CDC42EP4: variants seen among roughly 807,000 people sequenced by gnomAD.
CDC42EP4 encodes CDC42 effector protein (Rho GTPase binding) 4.
In CDC42EP4, 6 loss-of-function variants were observed where a neutral mutation model predicts 5.6. The observed-to-expected ratio is 1.07, with a 90% CI of 0.59 to 2.12. CDC42EP4 has a LOEUF of 2.12. CDC42EP4 is among the 30% of genes most tolerant of loss of function. The pLI is 0.00. For synonymous variants in CDC42EP4, 230 were observed against 224.2 expected (o/e 1.03, Z -0.23); for missense variants, 490 against 508.6 (o/e 0.96, Z 0.35).
At chr17:73,295,619 T>G (rs1455141894) in intron 1 of CDC42EP4, among the ~76,000 whole-genome samples, 1 of 152,068 alleles carries the variant, frequency 6.6e-6, no homozygotes, top group African/African-American at 2.4e-5. Flanking sequence ...AATGATGGTT[T>G]TGGCCAGGTG....
At chr17:73,297,285 A>C (rs1599435876) in intron 1 of CDC42EP4, among the ~76,000 whole-genome samples, 1 of 114,030 alleles carries the variant, frequency 8.8e-6, no homozygotes, top group Non-Finnish European at 1.8e-5. Context: ...CAAGAGCAAG[A>C]CTTCGTCTCC....
At chr17:73,294,958 G>A (rs2062177444) in intron 1 of CDC42EP4, among the ~76,000 whole-genome samples, 1 of 151,626 alleles carries the variant, frequency 6.6e-6, no homozygotes, top group Non-Finnish European at 1.5e-5. Context: ...ACAGGCACCT[G>A]CTACCACACC....
At chr17:73,306,925 C>T (rs1472084119) in intron 1 of CDC42EP4, 1 of 152,204 alleles carries the variant, frequency 6.6e-6, no homozygotes, top group Non-Finnish European at 1.5e-5. Flanking sequence ...AAAGAAGAAC[C>T]CAGAGTCTCA....
At position 73,285,048 on chromosome 17, in the gene CDC42EP4, T is replaced by G. The variant is rs909236400; in HGVS notation, c.*382A>C. ...AGCCGAGAGTCCTTAGCCCTGGAGC[T>G]GAGGCTGCCTCTGGGCTGACCCGCT... On this transcript the variant is annotated 3_prime_UTR_variant, in exon 2 of 2. Coordinates refer to ENST00000335793, the MANE Select transcript of CDC42EP4 (RefSeq NM_012121.5). This position sits in a 1 kb window ranked among gnomAD's most constrained non-coding sequence, Gnocchi z 6.8. The G allele has an allele frequency of 1.2e-5, 2 of 161,798 alleles. No homozygotes were observed. The highest frequency in any genetic ancestry group is 4.8e-5 in the African/African-American group (2 of 41,834). The allele number at this position is 161,798 out of a possible 1,614,324, so 10.0% of individuals were successfully genotyped here.
rs1229994715 is a variant in CDC42EP4, at chr17:73,286,338, T to C, written c.163A>G (p.Ser55Gly). The change falls in exon 2 of 2, where the codon AGC becomes GGC. Residue 55 changes from serine (S) to glycine (G), a missense_variant. Coordinates refer to ENST00000335793, the MANE Select transcript of CDC42EP4 (RefSeq NM_012121.5). The surrounding 1 kb of genome is among the most constrained non-coding windows in gnomAD (Gnocchi z 7.7). ...DAFGDTSFLNSKAGEPDGESL... is the reference protein window; with the variant it reads ...DAFGDTSFLNGKAGEPDGESL... ...TCGCCGTCGGGCTCGCCAGCCTTGCTATTGAGGAAGGAGGTGTCCCCAAAG... is the reference window on the plus strand; with the variant it reads ...TCGCCGTCGGGCTCGCCAGCCTTGCCATTGAGGAAGGAGGTGTCCCCAAAG... 1 of 1,614,174 alleles carries C rather than the reference T, an allele frequency of 6.2e-7. No homozygotes were observed. Among genetic ancestry groups the C allele is most frequent in the South Asian group, 1.1e-5 (1 of 91,090 alleles).
In CDC42EP4 at chr17:73,285,227, C is replaced by T. The variant is rs1438097997; in HGVS notation, c.*203G>A. The T allele has an allele frequency of 4.4e-6, 2 of 457,744 alleles. No individual in the cohort carries two copies. The highest frequency in any genetic ancestry group is 7.7e-6 in the Non-Finnish European group (2 of 258,214). The allele number at this position is 457,744 out of a possible 1,614,324, so 28.4% of individuals were successfully genotyped here. A position where few individuals can be genotyped will look rare whatever the true frequency, so the allele number is the denominator to read the frequency against. ...GTGCAGGGAGCATGATGAAGTCAGGCAGCCAGTCGGCACCCATGCCAGCCC... is the reference window on the plus strand; with the variant it reads ...GTGCAGGGAGCATGATGAAGTCAGGTAGCCAGTCGGCACCCATGCCAGCCC... On this transcript the variant is annotated 3_prime_UTR_variant, in exon 2 of 2. Coordinates refer to ENST00000335793, the MANE Select transcript of CDC42EP4 (RefSeq NM_012121.5). The surrounding 1 kb of genome is among the most constrained non-coding windows in gnomAD (Gnocchi z 6.8).
chr17:73,301,691 C>T lies in CDC42EP4; in HGVS notation c.-113+10202G>A, dbSNP rs566290809. 4.9e-4 allele frequency among the ~76,000 whole-genome samples: 74 copies of T among 151,264 alleles called. 1 individual carries two copies. The highest frequency in any genetic ancestry group is 1.7e-3 in the African/African-American group (68 of 41,184). ...CCTCCCAAGTGGCAGGGGCTACAGGCACACGCCACCATGCCCAGCTTTTTT... is the reference window on the plus strand; with the variant it reads ...CCTCCCAAGTGGCAGGGGCTACAGGTACACGCCACCATGCCCAGCTTTTTT... On this transcript the variant is annotated intron_variant, in intron 1 of 1. Transcript: ENST00000335793.
chr17:73,285,303 G>T lies in CDC42EP4; in HGVS notation c.*127C>A. ...CCAGGCCAGTGTCCCTCATCTACAA[G>T]GTCCAGGGTCCATGGTCTGAATCAA... On this transcript the variant is annotated 3_prime_UTR_variant, in exon 2 of 2. Coordinates refer to ENST00000335793, the MANE Select transcript of CDC42EP4 (RefSeq NM_012121.5). The surrounding 1 kb of genome is among the most constrained non-coding windows in gnomAD (Gnocchi z 6.8). 2 of 727,610 alleles carry T rather than the reference G, an allele frequency of 2.7e-6. No homozygotes were observed. The highest frequency in any genetic ancestry group is 4.4e-6 in the Non-Finnish European group (2 of 449,716). The allele number at this position is 727,610 out of a possible 1,614,324, so 45.1% of individuals were successfully genotyped here.
intron 1 of CDC42EP4, among the ~76,000 whole-genome samples, chr17:73,301,553 C>G (rs2062219285): frequency 6.6e-6 from 1 of 152,160 alleles, no homozygotes; most frequent in South Asian, 2.1e-4. Context: ...ATAACCTTAA[C>G]TATTTCCAGA....
At chr17:73,299,388 C>CACGT (rs5821957) in intron 1 of CDC42EP4, among the ~76,000 whole-genome samples, 1 of 148,376 alleles carries the variant, frequency 6.7e-6, no homozygotes, top group African/African-American at 2.5e-5. Context: ...CGAGATCATG[C>CACGT]CACTGCACTC....
In CDC42EP4 at chr17:73,285,461, T is replaced by C; in HGVS notation, c.1040A>G (p.Asp347Gly). ...ACGGATTTCATCCTCCTCCTCCTCA[T>C]CCATGAAGGAGAACTCCTTGTCTGG... ...RQPDKEFSFM[D>G]EEEEDEIRV The change falls in exon 2 of 2, where the codon GAT becomes GGT. Residue 347 changes from aspartate (D) to glycine (G), a missense_variant. Transcript: ENST00000335793. The surrounding 1 kb of genome is among the most constrained non-coding windows in gnomAD (Gnocchi z 6.8). 4 of 1,570,886 alleles carry C rather than the reference T, an allele frequency of 2.5e-6. No individual in the cohort carries two copies. The highest frequency in any genetic ancestry group is 1.1e-5 in the South Asian group (1 of 87,228).
intron 1 of CDC42EP4, among the ~76,000 whole-genome samples, chr17:73,310,702 GGGAACCT>G: frequency 6.6e-6 from 1 of 151,618 alleles, no homozygotes; most frequent in Non-Finnish European, 1.5e-5. Flanking sequence ...GGAAAACACA[GGGAACCT>G]GGTTTGAGTT....
Position 73,285,944 on chromosome 17 carries a change from T to TC in CDC42EP4, c.556dup (p.Asp186GlyfsTer35). On this transcript the variant is annotated frameshift_variant, in exon 2 of 2. Coordinates refer to ENST00000335793, the MANE Select transcript of CDC42EP4 (RefSeq NM_012121.5). LOFTEE classifies it low-confidence loss of function (END_TRUNC). This position sits in a 1 kb window ranked among gnomAD's most constrained non-coding sequence, Gnocchi z 6.8. ...GGGCACGACAGGCAGATCTGTCAGA[T>TC]CCCCAAAGGCCTGCTCATCGAGGAG... 6.2e-7 allele frequency: 1 copy of TC among 1,613,792 alleles called. No homozygotes were observed. The highest frequency in any genetic ancestry group is 8.5e-7 in the Non-Finnish European group (1 of 1,180,004).
chr17:73,304,359 G>A (rs901130589), intron 1 of CDC42EP4, among the ~76,000 whole-genome samples: 2 of 149,126 alleles, frequency 1.3e-5, no homozygotes, highest in African/African-American at 2.5e-5. Flanking sequence ...AAAGCTCACC[G>A]TAACCTCAAA....
intron 1 of CDC42EP4, among the ~76,000 whole-genome samples, chr17:73,304,331 C>T (rs2062234394): frequency 6.8e-6 from 1 of 147,056 alleles, no homozygotes; most frequent in South Asian, 2.1e-4. Flanking sequence ...GGCTGGAGTA[C>T]ACTGTAGCAG....
At chr17:73,288,287 G>T (rs1488742320) in intron 1 of CDC42EP4, among the ~76,000 whole-genome samples, 1 of 152,146 alleles carries the variant, frequency 6.6e-6, no homozygotes, top group Non-Finnish European at 1.5e-5. Flanking sequence ...TGTCCCCCAG[G>T]CCGGAGTGTA....
At chr17:73,307,669 C>T (rs1239221697) in intron 1 of CDC42EP4, among the ~76,000 whole-genome samples, 4 of 151,404 alleles carry the variant, frequency 2.6e-5, no homozygotes, top group Non-Finnish European at 5.9e-5. Flanking sequence ...AGGATGGTCT[C>T]GATCTCCTGA....
In CDC42EP4 at chr17:73,284,750, T is replaced by A. The variant is rs2062121101; in HGVS notation, c.*680A>T. On this transcript the variant is annotated 3_prime_UTR_variant, in exon 2 of 2. Coordinates refer to ENST00000335793, the MANE Select transcript of CDC42EP4 (RefSeq NM_012121.5). ...TGCCCTAGCCCTGTTCCTAGTGTCA[T>A]CCTGGAAGGGTCCCTTCTTGCAATT... 1 of 152,366 alleles carries A rather than the reference T, an allele frequency of 6.6e-6. No individual in the cohort carries two copies. The highest frequency in any genetic ancestry group is 2.4e-5 in the African/African-American group (1 of 41,582). The allele number at this position is 152,366 out of a possible 1,614,324, so 9.4% of individuals were successfully genotyped here.
intron 1 of CDC42EP4, among the ~76,000 whole-genome samples, chr17:73,293,180 A>G (rs2062169534): frequency 6.6e-6 from 1 of 152,206 alleles, no homozygotes; most frequent in Non-Finnish European, 1.5e-5. Flanking sequence ...TTATAGGTGT[A>G]CAAGGAAACC....
Sources: allele counts gnomAD v4.1 joint callset (sites outside exome capture counted in the v4.1 genomes callset), GRCh38; gene constraint gnomAD v4.1.1; non-coding constraint Gnocchi (gnomAD v3.1); transcripts MANE v1.5; gene names NCBI Gene and HGNC (gene_info 2026-07-23, HGNC 2026-07-21).